The following STK32A variants were observed in gnomAD, a reference collection of about 807,000 sequenced individuals.
STK32A encodes serine/threonine kinase 32A, also known as serine/threonine-protein kinase 32A.
Under a neutral mutation model 53.2 loss-of-function variants are expected in STK32A, and 41 were observed. The ratio of observed to expected loss-of-function variants is 0.77; its 90% CI spans 0.60 to 1.00. The LOEUF is 1.00. Among genes scored for constraint, STK32A ranks in the 50% least tolerant of loss-of-function variants. The pLI is 0.00. For missense variants in STK32A, 458 were observed against 485.8 expected (o/e 0.94, Z 0.54); for synonymous variants, 166 against 162.8 (o/e 1.02, Z -0.15).
the STK32A span, chr5:147,394,084 C>A: frequency 6.2e-7 from 1 of 1,614,090 alleles, no homozygotes; most frequent in Non-Finnish European, 8.5e-7. Context: ...CGCCACGATG[C>A]GCTTGCTGGC....
intron 4 of STK32A, among the ~76,000 whole-genome samples, chr5:147,294,557 T>A (rs1170926073): frequency 2.0e-5 from 3 of 152,218 alleles, no homozygotes; most frequent in Admixed American, 6.5e-5. Context: ...GACCACACAA[T>A]GCTCTCTTTC....
At chr5:147,263,478 C>G (rs1260127748) in intron 2 of STK32A, among the ~76,000 whole-genome samples, 2 of 151,804 alleles carry the variant, frequency 1.3e-5, no homozygotes, top group African/African-American at 4.8e-5. Flanking sequence ...AAAAAGTTAG[C>G]AAAAAGTATA....
intron 2 of STK32A, among the ~76,000 whole-genome samples, chr5:147,251,469 G>A (rs1377278937): frequency 6.6e-6 from 1 of 152,190 alleles, no homozygotes; most frequent in Non-Finnish European, 1.5e-5. Flanking sequence ...GGAAGATTAA[G>A]CCACTGACCT....
chr5:147,245,147 C>G (rs979232029), intron 2 of STK32A, among the ~76,000 whole-genome samples: 1 of 152,004 alleles, frequency 6.6e-6, no homozygotes, highest in East Asian at 1.9e-4. Flanking sequence ...TTTTTTATCC[C>G]CCTGAGGTTA....
intron 2 of STK32A, among the ~76,000 whole-genome samples, chr5:147,262,144 T>C (rs10058805): frequency 0.3 from 45,037 of 151,860 alleles, 7,050 homozygotes; most frequent in African/African-American, 0.36. Context: ...GATACTGAGA[T>C]TCAGCAAGTG....
At chr5:147,256,700 G>A (rs1296883698) in intron 2 of STK32A, among the ~76,000 whole-genome samples, 1 of 151,904 alleles carries the variant, frequency 6.6e-6, no homozygotes, top group Non-Finnish European at 1.5e-5. Context: ...TAGTAGAGAC[G>A]GTGGTTTCTC....
chr5:147,282,417 T>C (rs919339243), intron 4 of STK32A, among the ~76,000 whole-genome samples: 17 of 152,172 alleles, frequency 1.1e-4, no homozygotes, highest in African/African-American at 4.1e-4. Flanking sequence ...AAGAGCATGA[T>C]GAATGCAACG....
the STK32A span, among the ~76,000 whole-genome samples, chr5:147,396,310 A>C: frequency 6.6e-6 from 1 of 152,192 alleles, no homozygotes; most frequent in East Asian, 1.9e-4. Context: ...GGAGCCAGCC[A>C]GCAACTTCCA....
rs534760882 is a variant in STK32A at position 147,363,968 on chromosome 5, C to T, written c.660+2354C>T. On this transcript the variant is annotated intron_variant, in intron 8 of 12. Coordinates refer to ENST00000397936, the MANE Select transcript of STK32A (RefSeq NM_001112724.2). ...CAGTGGCTCATGCCTATAATCCCAG[C>T]ACTTTAGAAGGCTGAGGCGGGCAGA... is the stretch of plus-strand genomic sequence containing the variant. Among the ~76,000 whole-genome samples, 12 of 152,246 alleles carry T rather than the reference C, an allele frequency of 7.9e-5. No individual in the cohort carries two copies. The South Asian group carries it at 2.5e-3, about 32-fold the overall frequency.
chr5:147,324,743 G>A (rs1175640408), intron 5 of STK32A, among the ~76,000 whole-genome samples: 2 of 152,252 alleles, frequency 1.3e-5, no homozygotes, highest in African/African-American at 4.8e-5. Flanking sequence ...GATATAATTA[G>A]ACTAGAATTA....
chr5:147,347,096 G>A (rs1755727221), intron 6 of STK32A, among the ~76,000 whole-genome samples: 2 of 152,162 alleles, frequency 1.3e-5, no homozygotes, highest in Admixed American at 1.3e-4. Context: ...AAAATGTGGG[G>A]CACATATTCT....
At chr5:147,258,898 A>G (rs549110986) in intron 2 of STK32A, among the ~76,000 whole-genome samples, 1 of 152,190 alleles carries the variant, frequency 6.6e-6, no homozygotes, top group East Asian at 1.9e-4. Context: ...AAATTAACTC[A>G]GAATTGGTAT....
At chr5:147,342,793 C>T (rs1755494423) in intron 5 of STK32A, 2 of 531,018 alleles carry the variant, frequency 3.8e-6, no homozygotes, top group East Asian at 5.9e-5. Context: ...ATTTACTAGC[C>T]TGTGACCTTG....
chr5:147,255,859 G>A lies in STK32A; in HGVS notation c.52+16173G>A, dbSNP rs143895196. Among the ~76,000 whole-genome samples the A allele has an allele frequency of 2.6e-3, 392 of 152,146 alleles. 2 individuals carry two copies. The highest frequency in any genetic ancestry group is 8.7e-3 in the African/African-American group (362 of 41,504). ...ACCAAAATATTGACTTAAATCCTGC[G>A]GCTATTTGATTTTGGGCTTTAAATT... On this transcript the variant is annotated intron_variant, in intron 2 of 12. Transcript: ENST00000397936.
downstream of STK32A, chr5:147,391,312 C>T (rs1581165473): frequency 1.3e-5 from 2 of 152,684 alleles, no homozygotes; most frequent in East Asian, 3.8e-4. Flanking sequence ...AATCCTTCCA[C>T]TTCTAGAAAA....
intron 11 of STK32A, among the ~76,000 whole-genome samples, chr5:147,378,176 C>T (rs1757305329): frequency 6.6e-6 from 1 of 151,960 alleles, no homozygotes; most frequent in Non-Finnish European, 1.5e-5. Flanking sequence ...GTGGTTAATG[C>T]TATGGTTAGA....
At chr5:147,355,407 G>A (rs1756169632) in intron 7 of STK32A, among the ~76,000 whole-genome samples, 1 of 152,044 alleles carries the variant, frequency 6.6e-6, no homozygotes, top group Non-Finnish European at 1.5e-5. Context: ...GGGCGCGGTG[G>A]CTCACCCTGT....
At chr5:147,318,545 A>G (rs1003401803) in intron 4 of STK32A, among the ~76,000 whole-genome samples, 1 of 151,738 alleles carries the variant, frequency 6.6e-6, no homozygotes, top group East Asian at 1.9e-4. Flanking sequence ...CAGGAGGATT[A>G]CTTGAGGCCA....
intron 4 of STK32A, among the ~76,000 whole-genome samples, chr5:147,295,234 T>G (rs1332378721): frequency 6.6e-6 from 1 of 152,246 alleles, no homozygotes; most frequent in Non-Finnish European, 1.5e-5. Context: ...AACATGACTT[T>G]ACGATTTAGT....
Sources: allele counts gnomAD v4.1 joint callset (sites outside exome capture counted in the v4.1 genomes callset), GRCh38; gene constraint gnomAD v4.1.1; transcripts MANE v1.5; gene names NCBI Gene and HGNC (gene_info 2026-07-23, HGNC 2026-07-21).